Variants in KDM4C observed in about 807,000 individuals in gnomAD.
KDM4C encodes the protein lysine demethylase 4C.
In KDM4C, 81 loss-of-function variants were observed where a neutral mutation model predicts 129.3. That is an observed-to-expected ratio of 0.63 (90% CI 0.52 to 0.75). The LOEUF (loss-of-function observed/expected upper bound fraction) is 0.75, where lower values mean the gene tolerates loss of function less well. Ranked by LOEUF, KDM4C falls within the 30% of genes least tolerant of loss-of-function variation. KDM4C has a pLI of 0.00. For missense variants in KDM4C, 1,457 were observed against 1,304.0 expected (o/e 1.12, Z -1.81); for synonymous variants, 573 against 456.1 (o/e 1.26, Z -3.26).
intron 2 of KDM4C, among the ~76,000 whole-genome samples, chr9:6,800,213 A>G (rs7872952): frequency 0.2 from 30,801 of 152,014 alleles, 3,165 homozygotes; most frequent in Middle Eastern, 0.26. Flanking sequence ...CTAAAAATAC[A>G]AAAATTAGTC....
chr9:6,995,838 A>AT (rs375079803), intron 12 of KDM4C, among the ~76,000 whole-genome samples: 76 of 151,696 alleles, frequency 5.0e-4, no homozygotes, highest in African/African-American at 1.7e-3. Context: ...CGCCCGGCTA[A>AT]TTTTTTGTAT....
At chr9:6,738,135 A>AAAACTAAGCTAAACTGAACTAAACT (rs1398432268) in intron 1 of KDM4C, among the ~76,000 whole-genome samples, 3 of 142,180 alleles carry the variant, frequency 2.1e-5, no homozygotes, top group African/African-American at 7.9e-5. Context: ...CTCCCTCTCA[A>AAAACTAAGCTAAACTGAACTAAACT]AAACTAAACT....
intron 15 of KDM4C, among the ~76,000 whole-genome samples, chr9:7,033,142 G>GA (rs1264771600): frequency 4.6e-5 from 6 of 129,644 alleles, no homozygotes; most frequent in Non-Finnish European, 8.7e-5. Flanking sequence ...TTTTATGCTG[G>GA]ATTTTTTTTT....
At chr9:7,086,600 T>C (rs1354507299) in intron 17 of KDM4C, among the ~76,000 whole-genome samples, 2 of 152,172 alleles carry the variant, frequency 1.3e-5, no homozygotes, top group Non-Finnish European at 2.9e-5. Flanking sequence ...ACCACCCTGT[T>C]CAGCCTTTGA....
In KDM4C at chr9:7,103,703, C is replaced by T; in HGVS notation, c.2443C>T (p.His815Tyr). ...CTTCCAGAAATGCATCTTCTGCAGA[C>T]ACCGGGTTAAGAGGGTCTCTGGAGC... is the stretch of plus-strand genomic sequence containing the variant. ...RLKLKCIFCR[H>Y]RVKRVSGACI... The change falls in exon 18 of 22, where the codon CAC (histidine) becomes TAC (tyrosine). Residue 815 changes from histidine (H) to tyrosine (Y), a missense_variant. Coordinates refer to ENST00000381309, the MANE Select transcript of KDM4C (RefSeq NM_015061.6). 6.2e-7 allele frequency: 1 copy of T among 1,611,630 alleles called. No individual in the cohort carries two copies. The highest frequency in any genetic ancestry group is 8.5e-7 in the Non-Finnish European group (1 of 1,178,596).
chr9:6,836,927 A>G (rs1219203333), intron 4 of KDM4C, among the ~76,000 whole-genome samples: 1 of 152,306 alleles, frequency 6.6e-6, no homozygotes, highest in South Asian at 2.1e-4. Flanking sequence ...CCTGATGTAC[A>G]TGTGTAAAAG....
chr9:7,163,126 A>G (rs2130382521), intron 19 of KDM4C, among the ~76,000 whole-genome samples: 1 of 152,256 alleles, frequency 6.6e-6, no homozygotes, highest in East Asian at 1.9e-4. Context: ...ATGGCTCCAG[A>G]GAGAAAGGGA....
intron 11 of KDM4C, among the ~76,000 whole-genome samples, chr9:6,987,162 G>C (rs1817869980): frequency 6.6e-6 from 1 of 152,148 alleles, no homozygotes. Context: ...CCTGGTCCCA[G>C]CCTTCCCACA....
intron 1 of KDM4C, among the ~76,000 whole-genome samples, chr9:6,766,196 C>T (rs924557922): frequency 1.3e-5 from 2 of 152,038 alleles, no homozygotes; most frequent in Admixed American, 6.6e-5. Flanking sequence ...TTGCATTTTA[C>T]TATACATTAC....
rs768539025 is a variant in KDM4C, at chr9:6,814,749, C to T, written c.435+4C>T. The T allele has an allele frequency of 6.6e-7, 1 of 1,513,762 alleles. No homozygotes were observed. The highest frequency in any genetic ancestry group is 9.2e-7 in the Non-Finnish European group (1 of 1,092,798). 93.8% of individuals were successfully genotyped at this position (1,513,762 alleles called of 1,614,324 possible). A position where few individuals can be genotyped will look rare whatever the true frequency, so the allele number is the denominator to read the frequency against. The stretch of plus-strand genomic sequence containing the variant: ...TAATGGGAGCATATATGATGAGGTA[C>T]ATTCATATTTACAGTGAGTTTTGTA... On this transcript the variant is annotated splice_donor_region_variant and intron_variant, in intron 4 of 21. Coordinates refer to ENST00000381309, the MANE Select transcript of KDM4C (RefSeq NM_015061.6).
intron 10 of KDM4C, 43 bp from the exon 11 acceptor site, chr9:6,986,301 A>G (rs1399533546): frequency 7.4e-7 from 1 of 1,355,404 alleles, no homozygotes; most frequent in Non-Finnish European, 1.0e-6. Context: ...CTTAGTAGTA[A>G]TACAGTGCAT....
rs943300148 is a variant in KDM4C, at chr9:6,895,068, G to A, written c.921+1836G>A. Reference sequence around the variant, plus strand: ...TAATTAAAAATTGCTCTAACTGAATGTATTTGAGATTTTTTCAGTGTTATG... The same window carrying A: ...TAATTAAAAATTGCTCTAACTGAATATATTTGAGATTTTTTCAGTGTTATG... On this transcript the variant is annotated intron_variant, in intron 8 of 21. Transcript: ENST00000381309. 6.6e-5 allele frequency among the ~76,000 whole-genome samples: 10 copies of A among 152,282 alleles called. No individual in the cohort carries two copies. In the East Asian group the frequency reaches 1.5e-3, roughly 23 times the overall value.
chr9:6,803,355 G>A (rs368069782), intron 2 of KDM4C, among the ~76,000 whole-genome samples: 9 of 152,028 alleles, frequency 5.9e-5, no homozygotes, highest in Non-Finnish European at 7.4e-5. Flanking sequence ...GTCGGATCAC[G>A]CTGTCAAGAG....
chr9:6,806,051 A>T (rs1588398738), intron 3 of KDM4C, among the ~76,000 whole-genome samples: 1 of 152,126 alleles, frequency 6.6e-6, no homozygotes, highest in African/African-American at 2.4e-5. Context: ...CACATGATTC[A>T]TGTTTGTTGG....
chr9:7,149,411 A>G (rs994997846), intron 19 of KDM4C, among the ~76,000 whole-genome samples: 2 of 152,232 alleles, frequency 1.3e-5, no homozygotes, highest in African/African-American at 2.4e-5. Context: ...GAGCACAGGG[A>G]TGCCCGGGTC....
intron 8 of KDM4C, among the ~76,000 whole-genome samples, chr9:6,899,583 C>A (rs985260285): frequency 6.7e-6 from 1 of 149,404 alleles, no homozygotes; most frequent in Non-Finnish European, 1.5e-5. Flanking sequence ...AACTTGCTAG[C>A]TCATGAGAAA....
chr9:6,843,182 G>A (rs1837284766), intron 4 of KDM4C, among the ~76,000 whole-genome samples: 1 of 152,134 alleles, frequency 6.6e-6, no homozygotes, highest in African/African-American at 2.4e-5. Flanking sequence ...TCCCATCTCT[G>A]CCTCCCAAAG....
At chr9:6,927,389 C>A (rs1822828698) in intron 8 of KDM4C, among the ~76,000 whole-genome samples, 1 of 152,192 alleles carries the variant, frequency 6.6e-6, no homozygotes, top group South Asian at 2.1e-4. Context: ...CTTGGCTTCC[C>A]AAAGTGCTGG....
chr9:6,859,864 CAAA>C (rs34669716), intron 5 of KDM4C, among the ~76,000 whole-genome samples: 9 of 85,294 alleles, frequency 1.1e-4, no homozygotes, highest in Non-Finnish European at 1.1e-4. Context: ...GACTCCGTCT[CAAA>C]AAAAAAAAAA....
Sources: allele counts gnomAD v4.1 joint callset (sites outside exome capture counted in the v4.1 genomes callset), GRCh38; gene constraint gnomAD v4.1.1; transcripts MANE v1.5; gene names NCBI Gene and HGNC (gene_info 2026-07-23, HGNC 2026-07-21).